UNC5D: variants seen among roughly 807,000 people sequenced by gnomAD.
UNC5D encodes the protein netrin receptor UNC5D.
UNC5D carries 39 observed loss-of-function variants against 105.4 expected under a neutral mutation model. The ratio of observed to expected loss-of-function variants is 0.37; its 90% CI spans 0.29 to 0.48. The LOEUF (loss-of-function observed/expected upper bound fraction) is 0.48, where lower values mean the gene tolerates loss of function less well. UNC5D is among the 20% of genes least tolerant of loss of function. The pLI, the probability that UNC5D is intolerant of heterozygous loss-of-function variation, is 0.98. For missense variants in UNC5D, 991 were observed against 1,202.4 expected (o/e 0.82, Z 2.60); for synonymous variants, 452 against 450.4 (o/e 1.00, Z -0.04).
In UNC5D at chr8:35,606,683, T is replaced by A. The variant is rs76856417; in HGVS notation, c.570+11026T>A. On this transcript the variant is annotated intron_variant, in intron 4 of 16. Transcript: ENST00000404895. ...CCACCCCCACTGCTTGTTGAAGACATAAATTTAAAAAAGAAAGAACAAAAG... is the reference window on the plus strand; with the variant it reads ...CCACCCCCACTGCTTGTTGAAGACAAAAATTTAAAAAAGAAAGAACAAAAG... 2.7e-3 allele frequency among the ~76,000 whole-genome samples: 413 copies of A among 152,210 alleles called. 2 individuals carry two copies. The highest frequency in any genetic ancestry group is 6.8e-3 in the Middle Eastern group (2 of 294).
intron 7 of UNC5D, among the ~76,000 whole-genome samples, chr8:35,691,549 G>A (rs758341009): frequency 6.6e-6 from 1 of 152,130 alleles, no homozygotes; most frequent in East Asian, 1.9e-4. Flanking sequence ...GAATTTTGGG[G>A]CAATAACAGT....
At chr8:35,397,763 C>T (rs947298856) in intron 1 of UNC5D, among the ~76,000 whole-genome samples, 2 of 152,214 alleles carry the variant, frequency 1.3e-5, no homozygotes, top group Admixed American at 1.3e-4. Context: ...AGCGTCCAAA[C>T]TGGCTTCTCT....
intron 1 of UNC5D, among the ~76,000 whole-genome samples, chr8:35,402,819 G>A (rs1804557354): frequency 6.6e-6 from 1 of 151,988 alleles, no homozygotes; most frequent in Admixed American, 6.6e-5. Context: ...GAGTACTGTG[G>A]CCCTTAAGGG....
chr8:35,733,814 G>A (rs1357491771), intron 11 of UNC5D, among the ~76,000 whole-genome samples: 2 of 152,172 alleles, frequency 1.3e-5, no homozygotes, highest in Non-Finnish European at 2.9e-5. Flanking sequence ...GGGTACAGGG[G>A]TGAGGATGGC....
At chr8:35,378,761 G>A (rs1236125518) in intron 1 of UNC5D, among the ~76,000 whole-genome samples, 4 of 152,196 alleles carry the variant, frequency 2.6e-5, no homozygotes, top group Non-Finnish European at 5.9e-5. Context: ...GAGCATTTCT[G>A]TTATACACCT....
At chr8:35,323,787 T>TA (rs1344440305) in intron 1 of UNC5D, among the ~76,000 whole-genome samples, 1 of 152,184 alleles carries the variant, frequency 6.6e-6, no homozygotes, top group Non-Finnish European at 1.5e-5. Context: ...CATTACTCCA[T>TA]AATCTATGGA....
intron 1 of UNC5D, among the ~76,000 whole-genome samples, chr8:35,352,079 G>GT (rs573532449): frequency 1.8e-4 from 27 of 151,996 alleles, no homozygotes; most frequent in Non-Finnish European, 3.7e-4. Flanking sequence ...ACATTTAAGT[G>GT]TTTTTTGGTA....
intron 4 of UNC5D, among the ~76,000 whole-genome samples, chr8:35,596,390 A>G (rs1372679229): frequency 6.6e-6 from 1 of 152,228 alleles, no homozygotes; most frequent in Non-Finnish European, 1.5e-5. Flanking sequence ...TATAGCTATT[A>G]TTGGAGGAAA....
At chr8:35,247,531 T>A (rs1273523356) in intron 1 of UNC5D, among the ~76,000 whole-genome samples, 4 of 123,554 alleles carry the variant, frequency 3.2e-5, no homozygotes, top group East Asian at 2.1e-4. Context: ...TCTATATATA[T>A]ATATGTATAA....
chr8:35,618,545 A>T (rs1821166943), intron 4 of UNC5D, among the ~76,000 whole-genome samples: 1 of 152,194 alleles, frequency 6.6e-6, no homozygotes, highest in Non-Finnish European at 1.5e-5. Flanking sequence ...GAGTTGTGTG[A>T]ACTGCCAAAA....
intron 1 of UNC5D, among the ~76,000 whole-genome samples, chr8:35,351,379 C>T (rs1159266447): frequency 1.3e-5 from 2 of 152,030 alleles, no homozygotes. Context: ...TTTAAAGCAA[C>T]TGAACTCAGA....
chr8:35,247,375 T>C (rs1201335977), intron 1 of UNC5D, among the ~76,000 whole-genome samples: 1 of 149,032 alleles, frequency 6.7e-6, no homozygotes, highest in African/African-American at 2.5e-5. Flanking sequence ...GTTTGCATTA[T>C]AGATTCGTTT....
chr8:35,630,913 C>A (rs1368815236), intron 4 of UNC5D, among the ~76,000 whole-genome samples: 12 of 152,166 alleles, frequency 7.9e-5, no homozygotes, highest in Non-Finnish European at 1.2e-4. Flanking sequence ...TGTCTCTGAG[C>A]ACAGTGATCA....
At chr8:35,569,773 G>A (rs924455401) in intron 3 of UNC5D, among the ~76,000 whole-genome samples, 9 of 152,202 alleles carry the variant, frequency 5.9e-5, no homozygotes, top group African/African-American at 2.2e-4. Flanking sequence ...AATCAGGCCA[G>A]CCAGGGCATC....
chr8:35,507,277 G>A (rs1812386026), intron 1 of UNC5D, among the ~76,000 whole-genome samples: 1 of 151,782 alleles, frequency 6.6e-6, no homozygotes, highest in African/African-American at 2.4e-5. Context: ...GGATGGTCTC[G>A]ATTTCCTGAC....
At chr8:35,559,115 A>G (rs1448057947) in intron 2 of UNC5D, among the ~76,000 whole-genome samples, 1 of 152,210 alleles carries the variant, frequency 6.6e-6, no homozygotes, top group South Asian at 2.1e-4. Context: ...TGTCTACAAA[A>G]AATGGAATAC....
chr8:35,319,904 C>G (rs980707187), intron 1 of UNC5D, among the ~76,000 whole-genome samples: 24 of 152,052 alleles, frequency 1.6e-4, no homozygotes, highest in African/African-American at 4.3e-4. Flanking sequence ...GTTTCACTCC[C>G]CCTTGAGCCA....
chr8:35,504,423 T>C (rs1812179308), intron 1 of UNC5D, among the ~76,000 whole-genome samples: 1 of 152,222 alleles, frequency 6.6e-6, no homozygotes, highest in African/African-American at 2.4e-5. Flanking sequence ...TCTTTGGGAA[T>C]ACCCAGAAGT....
At position 35,320,261 on chromosome 8, in the gene UNC5D, A is replaced by T. The variant is rs921631284; in HGVS notation, c.103+84374A>T. On this transcript the variant is annotated intron_variant, in intron 1 of 16. Transcript: ENST00000404895. ...GTGGTTCAAAGATTTTTGGATGGGC[A>T]TTTGGTTGAAAGAGTTAAGTTATTA... is the stretch of plus-strand genomic sequence containing the variant. Among the ~76,000 whole-genome samples the T allele has an allele frequency of 2.0e-5, 3 of 152,044 alleles. No homozygotes were observed. In the East Asian group the frequency reaches 5.8e-4, roughly 29 times the overall value.
Sources: gnomAD v4.1 joint callset for allele counts (sites outside exome capture counted in the v4.1 genomes callset) on GRCh38, gnomAD v4.1.1 for gene constraint, MANE v1.5 for transcripts, NCBI Gene and HGNC (gene_info 2026-07-23, HGNC 2026-07-21) for gene names.